LRP1B: variants seen among roughly 807,000 people sequenced by gnomAD.
The protein encoded by LRP1B is LDL receptor related protein 1B.
LRP1B carries 217 observed loss-of-function variants against 556.6 expected under a neutral mutation model. The observed-to-expected ratio is 0.39, with a 90% CI of 0.35 to 0.44. LRP1B has a LOEUF of 0.44. Among genes scored for constraint, LRP1B ranks in the 20% least tolerant of loss-of-function variants. LRP1B has a pLI of 1.00. For synonymous variants in LRP1B, 2,047 were observed against 1,865.8 expected (o/e 1.10, Z -2.50); for missense variants, 5,053 against 5,620.8 (o/e 0.90, Z 3.23).
At chr2:140,553,225 G>C (rs895636805) in intron 43 of LRP1B, among the ~76,000 whole-genome samples, 1 of 151,798 alleles carries the variant, frequency 6.6e-6, no homozygotes, top group East Asian at 1.9e-4. Context: ...TGGTAATGTG[G>C]TAAATCAGTA....
chr2:141,690,196 A>C (rs894033566), intron 2 of LRP1B, among the ~76,000 whole-genome samples: 1 of 151,168 alleles, frequency 6.6e-6, no homozygotes, highest in Non-Finnish European at 1.5e-5. Flanking sequence ...TTCATCTTTC[A>C]AATATTTAGA....
intron 1 of LRP1B, among the ~76,000 whole-genome samples, chr2:141,964,195 A>C (rs1021069600): frequency 1.3e-4 from 20 of 150,596 alleles, no homozygotes; most frequent in Non-Finnish European, 2.8e-4. Flanking sequence ...ATTCAATGCC[A>C]TCCCCATCAA....
chr2:140,902,615 T>C (rs1415932229), intron 23 of LRP1B, among the ~76,000 whole-genome samples: 2 of 152,068 alleles, frequency 1.3e-5, no homozygotes, highest in Non-Finnish European at 2.9e-5. Flanking sequence ...TAAAAAAGCA[T>C]ACACAGAGAA....
chr2:140,754,422 A>C (rs1387346233), intron 35 of LRP1B, among the ~76,000 whole-genome samples: 1 of 152,152 alleles, frequency 6.6e-6, no homozygotes, highest in Non-Finnish European at 1.5e-5. Flanking sequence ...AATAGTGTAT[A>C]TGCTACCAAA....
intron 1 of LRP1B, among the ~76,000 whole-genome samples, chr2:142,107,681 G>A (rs1305432187): frequency 2.0e-5 from 3 of 151,882 alleles, no homozygotes; most frequent in Admixed American, 6.6e-5. Context: ...AGGCTGAAGC[G>A]CAGTGGCACA....
chr2:140,732,432 A>G (rs10183222), intron 35 of LRP1B, among the ~76,000 whole-genome samples: 73,643 of 151,996 alleles, frequency 0.48, 19,059 homozygotes, highest in Non-Finnish European at 0.59. Context: ...ATGATGTTTC[A>G]CTTACAGTGT....
At chr2:141,398,471 G>C (rs1410303613) in intron 3 of LRP1B, among the ~76,000 whole-genome samples, 1 of 152,098 alleles carries the variant, frequency 6.6e-6, no homozygotes, top group Non-Finnish European at 1.5e-5. Context: ...GTTATTAATA[G>C]CCATACAGAG....
intron 1 of LRP1B, among the ~76,000 whole-genome samples, chr2:141,830,295 T>C (rs1354863504): frequency 6.6e-6 from 1 of 151,844 alleles, no homozygotes; most frequent in Non-Finnish European, 1.5e-5. Flanking sequence ...CTGCATTATA[T>C]ATGCCTTGCC....
At chr2:141,401,928 A>G (rs1485449572) in intron 3 of LRP1B, among the ~76,000 whole-genome samples, 1 of 152,164 alleles carries the variant, frequency 6.6e-6, no homozygotes, top group African/African-American at 2.4e-5. Context: ...TGGTTTAAGC[A>G]GTTTTTCAAA....
At chr2:140,464,429 C>G (rs1687457126) in intron 60 of LRP1B, among the ~76,000 whole-genome samples, 1 of 151,920 alleles carries the variant, frequency 6.6e-6, no homozygotes, top group Non-Finnish European at 1.5e-5. Flanking sequence ...TTTTAAATTG[C>G]TTATAATAGA....
At chr2:142,128,066 G>T (rs1052753792) in intron 1 of LRP1B, among the ~76,000 whole-genome samples, 2 of 152,016 alleles carry the variant, frequency 1.3e-5, no homozygotes, top group Non-Finnish European at 2.9e-5. Context: ...CATTAGTTTA[G>T]CTCTATATAG....
chr2:140,729,807 T>C (rs748847193), intron 35 of LRP1B, among the ~76,000 whole-genome samples: 1 of 152,206 alleles, frequency 6.6e-6, no homozygotes, highest in Non-Finnish European at 1.5e-5. Flanking sequence ...CATAGTTAGC[T>C]ACTTAGAAGA....
chr2:141,086,249 T>A (rs534328704), intron 7 of LRP1B, among the ~76,000 whole-genome samples: 2 of 152,344 alleles, frequency 1.3e-5, no homozygotes, highest in East Asian at 3.9e-4. Flanking sequence ...GTTTCTTGAC[T>A]GGATCAAAAG....
At chr2:140,479,098 T>C (rs186753136) in intron 59 of LRP1B, among the ~76,000 whole-genome samples, 4 of 152,198 alleles carry the variant, frequency 2.6e-5, no homozygotes, top group Admixed American at 6.5e-5. Flanking sequence ...GTTGTTCACC[T>C]GTACTCAGGT....
chr2:141,154,100 ATTTAT>A (rs1405214283), intron 7 of LRP1B, among the ~76,000 whole-genome samples: 4 of 151,844 alleles, frequency 2.6e-5, no homozygotes, highest in African/African-American at 9.7e-5. Flanking sequence ...TGATGGTATT[ATTTAT>A]TTTCTCTTTT....
In LRP1B at chr2:141,019,961, A is replaced by T. The variant is rs750208362; in HGVS notation, c.1931T>A (p.Met644Lys). The T allele has an allele frequency of 1.2e-6, 2 of 1,610,948 alleles. No individual in the cohort carries two copies. Among genetic ancestry groups the T allele is most frequent in the Non-Finnish European group, 1.7e-6 (2 of 1,178,146 alleles). The change falls in exon 12 of 91, where the codon ATG becomes AAG. Residue 644 changes from methionine (M) to lysine (K), a missense_variant. This residue lies in a region of LRP1B where 3,619 missense variants were observed against 3,931.9 expected (regional missense o/e 0.92). Transcript: ENST00000389484. ...QSRKTLLEGE[M>K]SHPRGIVVDP... is the part of the protein sequence containing the mutation. ...CACCACAATTCCTCTGGGATGAGAC[A>T]TTTCACCCTCTAAAAGAGTCTTCCG...
At chr2:141,304,479 T>C (rs1373336239) in intron 3 of LRP1B, among the ~76,000 whole-genome samples, 6 of 81,764 alleles carry the variant, frequency 7.3e-5, no homozygotes. Flanking sequence ...TCATTCATTT[T>C]TTTTTTTTTT....
intron 66 of LRP1B, among the ~76,000 whole-genome samples, chr2:140,395,568 T>G (rs1684211289): frequency 6.6e-6 from 1 of 152,218 alleles, no homozygotes; most frequent in Non-Finnish European, 1.5e-5. Flanking sequence ...CAGCTGCAGC[T>G]TATCCCAGTG....
chr2:140,329,490 A>G (rs1680679586), intron 79 of LRP1B, among the ~76,000 whole-genome samples: 2 of 152,036 alleles, frequency 1.3e-5, no homozygotes, highest in Non-Finnish European at 2.9e-5. Context: ...CTATATCTAG[A>G]AAACCCCGTC....
Sources: allele counts gnomAD v4.1 joint callset (sites outside exome capture counted in the v4.1 genomes callset), GRCh38; gene constraint gnomAD v4.1.1; regional missense constraint gnomAD v4.1.1; transcripts MANE v1.5; gene names NCBI Gene and HGNC (gene_info 2026-07-23, HGNC 2026-07-21).